The following NOTCH1 variants were observed in gnomAD, a reference collection of about 807,000 sequenced individuals.
NOTCH1 encodes neurogenic locus notch homolog protein 1.
Under a neutral mutation model 254.8 loss-of-function variants are expected in NOTCH1, and 37 were observed. That is an observed-to-expected ratio of 0.15 (90% confidence interval 0.11 to 0.19). The LOEUF (loss-of-function observed/expected upper bound fraction) is 0.19. Ranked by LOEUF, NOTCH1 falls within the 10% of genes least tolerant of loss-of-function variation. The pLI is 1.00. For missense variants in NOTCH1, 2,972 were observed against 3,708.6 expected, an observed-to-expected ratio of 0.80 and a Z score of 5.16; for synonymous variants, 1,731 against 1,618.1, an observed-to-expected ratio of 1.07 and a Z score of -1.68.
In NOTCH1 at chr9:136,495,562, C is replaced by G. The variant is rs1589052005; in HGVS notation, c.*509G>C. The G allele has an allele frequency of 7.5e-6, 3 of 400,156 alleles. No individual in the cohort carries two copies. The highest frequency in any genetic ancestry group is 1.3e-5 in the Non-Finnish European group (3 of 227,054). The allele number at this position is 400,156 out of a possible 1,614,324, so 24.8% of individuals were successfully genotyped here. A position where few individuals can be genotyped will look rare whatever the true frequency, so the allele number is the denominator to read the frequency against. On this transcript the variant is annotated 3_prime_UTR_variant, in exon 34 of 34. Coordinates refer to ENST00000651671, the MANE Select transcript of NOTCH1 (RefSeq NM_017617.5). ...TCTGGATGCAGCTTCTCCTAACAGG[C>G]AGGTGATGCTGGTGGAGCGGCCGGG...
At chr9:136,510,545 T>C in intron 17 of NOTCH1, 108 bp downstream of exon 17, 2 of 1,435,938 alleles carry the variant, frequency 1.4e-6, no homozygotes, top group Non-Finnish European at 1.9e-6. Flanking sequence ...CCGGCCACAC[T>C]CCGGCCTCCC....
rs1455019502 is a variant in NOTCH1, at chr9:136,502,337, G to A, written c.5319C>T (p.Phe1773=). ...TCTTCTTGCTGGCCTCAGACACTTT[G>A]AAGCCCTCAGGGAACCAGAGCTGGC... ...QHGQLWFPEG[F]KVSEASKKKR... Residue 1773 remains phenylalanine (F), a synonymous_variant, in exon 28 of 34, where the codon TTC becomes TTT. Coordinates refer to ENST00000651671, the MANE Select transcript of NOTCH1 (RefSeq NM_017617.5). 6.2e-7 allele frequency: 1 copy of A among 1,612,514 alleles called. No homozygotes were observed. Among genetic ancestry groups the A allele is most frequent in the East Asian group, 2.2e-5 (1 of 44,864 alleles).
intron 17 of NOTCH1, 135 bp downstream of exon 17, chr9:136,510,518 A>T: frequency 8.1e-7 from 1 of 1,228,090 alleles, no homozygotes; most frequent in South Asian, 1.3e-5. Context: ...CATCCCCCAC[A>T]CCTGACCCAA....
Position 136,506,382 on chromosome 9 carries a change from C to CA in NOTCH1, c.4014+144_4014+145insT. 1 of 632,634 alleles carries CA rather than the reference C, an allele frequency of 1.6e-6. No individual in the cohort carries two copies. The allele number at this position is 632,634 out of a possible 1,614,324, so 39.2% of individuals were successfully genotyped here. The stretch of plus-strand genomic sequence containing the variant: ...ATGTCTCTAAAATCATTTATTGAAA[C>CA]TAAAAAAAAAAAAAAGACATCAGGG... On this transcript the variant is annotated intron_variant, in intron 24 of 33. Transcript: ENST00000651671. This position sits in a 1 kb window ranked among gnomAD's most constrained non-coding sequence, Gnocchi z 4.5.
intron 2 of NOTCH1, among the ~76,000 whole-genome samples, chr9:136,526,696 C>T (rs534305492): frequency 1.4e-4 from 21 of 152,348 alleles, no homozygotes; most frequent in Admixed American, 8.5e-4. Flanking sequence ...ACCCTGAGCG[C>T]GGACCCCAAC....
At chr9:136,528,325 G>A (rs974798530) in intron 2 of NOTCH1, among the ~76,000 whole-genome samples, 12 of 121,394 alleles carry the variant, frequency 9.9e-5, no homozygotes, top group Non-Finnish European at 1.9e-4. Context: ...GACCCTGGGT[G>A]GGAGAGGTGC....
rs2229970 is a variant in NOTCH1 at position 136,514,512 on chromosome 9, G to C, written c.2205C>G (p.Asn735Lys). Residue 735 changes from asparagine (N) to lysine (K), a missense_variant and splice_region_variant, in exon 13 of 34, where the codon AAC becomes AAG. Coordinates refer to ENST00000651671, the MANE Select transcript of NOTCH1 (RefSeq NM_017617.5). ...CCATGATCGGCCCCGCCGCATACCC[G>C]TTGAGGCTGTCCCGGCAGGCCCCGT... ...CVHGACRDSL[N>K]GYKCDCDPGW... 2 of 1,577,522 alleles carry C rather than the reference G, an allele frequency of 1.3e-6. No individual in the cohort carries two copies. The highest frequency in any genetic ancestry group is 4.6e-5 in the East Asian group (2 of 43,542).
At chr9:136,519,903 A>G (rs999100242) in intron 4 of NOTCH1, among the ~76,000 whole-genome samples, 2 of 152,154 alleles carry the variant, frequency 1.3e-5, no homozygotes, top group Non-Finnish European at 2.9e-5. Context: ...ATGTCTCCAC[A>G]GGGGGGCCGC....
chr9:136,531,278 G>A (rs1196716349), intron 2 of NOTCH1, among the ~76,000 whole-genome samples: 1 of 152,254 alleles, frequency 6.6e-6, no homozygotes, highest in African/African-American at 2.4e-5. Flanking sequence ...CATTTCACAG[G>A]TGAGAAAACG....
chr9:136,524,699 G>A (rs138159889), intron 2 of NOTCH1, among the ~76,000 whole-genome samples: 7,111 of 147,022 alleles, frequency 0.048, 228 homozygotes, highest in Non-Finnish European at 0.072. Context: ...GTGCAGGGGC[G>A]CGATCTAGGC....
In NOTCH1 at chr9:136,498,552, G is replaced by T. The variant is rs186185111; in HGVS notation, c.6180+347C>A. 3.9e-5 allele frequency among the ~76,000 whole-genome samples: 6 copies of T among 152,316 alleles called. No individual in the cohort carries two copies. In the East Asian group the frequency reaches 1.2e-3, roughly 29 times the overall value. ...GGTGACAGCTGGGGACAGAAGGTGA[G>T]GTCCAGGTGACGGTGACACAGCAGT... On this transcript the variant is annotated intron_variant, in intron 33 of 33. Transcript: ENST00000651671.
In NOTCH1 at chr9:136,495,245, T is replaced by C. The variant is rs1329538176; in HGVS notation, c.*826A>G. 2 of 398,926 alleles carry C rather than the reference T, an allele frequency of 5.0e-6. No homozygotes were observed. Among genetic ancestry groups the C allele is most frequent in the Non-Finnish European group, 8.8e-6 (2 of 226,098 alleles). The allele number at this position is 398,926 out of a possible 1,614,324, so 24.7% of individuals were successfully genotyped here. On this transcript the variant is annotated 3_prime_UTR_variant, in exon 34 of 34. Coordinates refer to ENST00000651671, the MANE Select transcript of NOTCH1 (RefSeq NM_017617.5). ...CCACACATCTCATGTTTGACATGCA[T>C]GATGCCTACATTTCAAGAACGGGCA...
chr9:136,500,768 C>T lies in NOTCH1; in HGVS notation c.5718G>A (p.Ala1906=), dbSNP rs369730620. Residue 1906 remains alanine, a synonymous_variant, in exon 31 of 34, where the codon GCG becomes GCA. Transcript: ENST00000651671. ...ETGNSEEEED[A]PAVISDFIYQ... is the part of the protein sequence containing the mutation. The stretch of plus-strand genomic sequence containing the variant: ...AGATGAAGTCGGAGATGACGGCCGG[C>T]GCGTCCTCCTCTTCCTCGCTGTTGC... 6.3e-5 allele frequency: 101 copies of T among 1,603,616 alleles called. No homozygotes were observed. Among genetic ancestry groups the T allele is most frequent in the Middle Eastern group, 3.3e-4 (2 of 6,056 alleles).
Position 136,499,199 on chromosome 9 carries a change from G to A in NOTCH1, c.5995C>T (p.Leu1999=), listed in dbSNP as rs1208814818. 1.2e-5 allele frequency: 19 copies of A among 1,613,260 alleles called. No homozygotes were observed. The highest frequency in any genetic ancestry group is 1.4e-5 in the Non-Finnish European group (17 of 1,180,022). The change falls in exon 32 of 34, where the codon CTG becomes TTG. Residue 1999 remains leucine (L), a synonymous_variant. Transcript: ENST00000651671. ...DARMHDGTTP[L]ILAARLAVEG... The stretch of plus-strand genomic sequence containing the variant: ...ACGGCCAGGCGGGCAGCCAGGATCA[G>A]TGGCGTCGTGCCATCATGCATGCGG...
chr9:136,539,220 G>C (rs1270139448), intron 2 of NOTCH1, among the ~76,000 whole-genome samples: 1 of 152,166 alleles, frequency 6.6e-6, no homozygotes, highest in African/African-American at 2.4e-5. Flanking sequence ...CTTTTCAATG[G>C]AAAACATGTT....
In NOTCH1 at chr9:136,545,908, C is replaced by T. The variant is rs1843809289; in HGVS notation, c.-122G>A. ...CGGCGGACGGTCCCGCCCTCTCTTC[C>T]CCGGCTGGCTGGCGGCGCTGTGCTC... On this transcript the variant is annotated 5_prime_UTR_variant, in exon 1 of 34. Coordinates refer to ENST00000651671, the MANE Select transcript of NOTCH1 (RefSeq NM_017617.5). The surrounding 1 kb of genome is among the most constrained non-coding windows in gnomAD (Gnocchi z 6.8). 2.9e-6 allele frequency: 1 copy of T among 347,050 alleles called. No homozygotes were observed. Among genetic ancestry groups the T allele is most frequent in the Non-Finnish European group, 4.4e-6 (1 of 227,292 alleles). The allele number at this position is 347,050 out of a possible 1,614,324, so 21.5% of individuals were successfully genotyped here.
intron 2 of NOTCH1, among the ~76,000 whole-genome samples, chr9:136,539,686 T>C (rs959630094): frequency 6.6e-6 from 1 of 152,214 alleles, no homozygotes; most frequent in African/African-American, 2.4e-5. Context: ...CCTGGCGCCC[T>C]TGAAGACCAG....
At chr9:136,520,667 G>A (rs1589070316) in intron 4 of NOTCH1, among the ~76,000 whole-genome samples, 1 of 152,142 alleles carries the variant, frequency 6.6e-6, no homozygotes, top group South Asian at 2.1e-4. Flanking sequence ...TAGCCTGGGA[G>A]GTCAAGGCTG....
intron 2 of NOTCH1, chr9:136,543,420 G>A (rs2133405331): frequency 3.9e-6 from 1 of 255,306 alleles, no homozygotes; most frequent in East Asian, 1.4e-4. Context: ...CCCAGAGGAG[G>A]CATCACCCGC....
Sources: gnomAD v4.1 joint callset for allele counts (sites outside exome capture counted in the v4.1 genomes callset) on GRCh38, gnomAD v4.1.1 for gene constraint, Gnocchi (gnomAD v3.1) non-coding constraint, MANE v1.5 for transcripts, NCBI Gene and HGNC (gene_info 2026-07-23, HGNC 2026-07-21) for gene names.